EML6: variants seen among roughly 807,000 people sequenced by gnomAD.
The protein encoded by EML6 is echinoderm microtubule-associated protein-like 6.
Under a neutral mutation model 240.1 loss-of-function variants are expected in EML6, and 154 were observed. The observed-to-expected ratio is 0.64, with a 90% confidence interval of 0.56 to 0.73. The LOEUF (loss-of-function observed/expected upper bound fraction) is 0.73. Among genes scored for constraint, EML6 ranks in the 30% least tolerant of loss-of-function variants. The pLI is 0.00. For missense variants in EML6, 2,964 were observed against 2,474.6 expected, an observed-to-expected ratio of 1.20 and a Z score of -4.20; for synonymous variants, 1,148 against 899.0, an observed-to-expected ratio of 1.28 and a Z score of -4.95.
At chr2:54,911,310 T>C (rs1393177282) in intron 25 of EML6, among the ~76,000 whole-genome samples, 1 of 152,256 alleles carries the variant, frequency 6.6e-6, no homozygotes. Flanking sequence ...ATTTGGATGT[T>C]ATATATTCCT....
chr2:54,918,054 A>G lies in EML6; in HGVS notation c.3675+1119A>G, dbSNP rs184772038. ...TTGAATCATAGACGTCAATCTCAAA[A>G]ATGTTCAGATTATCCCCAAGCCTGT... On this transcript the variant is annotated intron_variant, in intron 26 of 41. Transcript: ENST00000356458. Among the ~76,000 whole-genome samples, 338 of 152,298 alleles carry G rather than the reference A, an allele frequency of 2.2e-3. 2 individuals carry two copies. The highest frequency in any genetic ancestry group is 4.1e-3 in the Non-Finnish European group (279 of 68,028).
intron 16 of EML6, among the ~76,000 whole-genome samples, chr2:54,876,489 A>G (rs951881237): frequency 1.3e-5 from 2 of 152,170 alleles, no homozygotes; most frequent in Non-Finnish European, 2.9e-5. Flanking sequence ...TCCTAAAATA[A>G]AAGCTCACCT....
chr2:54,744,081 A>C (rs936447848), intron 2 of EML6, among the ~76,000 whole-genome samples: 2 of 148,450 alleles, frequency 1.3e-5, no homozygotes, highest in Non-Finnish European at 3.0e-5. Context: ...GCATTGGACA[A>C]TTCTGGGCAT....
chr2:54,805,291 T>C (rs1213790855), intron 2 of EML6, among the ~76,000 whole-genome samples: 2 of 152,240 alleles, frequency 1.3e-5, no homozygotes, highest in Non-Finnish European at 2.9e-5. Flanking sequence ...TGTTTAGACA[T>C]TTCCTTTTGG....
In EML6 at chr2:54,787,847, C is replaced by T. The variant is rs981616842; in HGVS notation, c.198-25385C>T. On this transcript the variant is annotated intron_variant, in intron 2 of 41. Transcript: ENST00000356458. ...ATAAATTTGTTTAATATCATTGCTC[C>T]TTCTGCATCAATTTTTAGGCCAGAC... Among the ~76,000 whole-genome samples, 4 of 152,058 alleles carry T rather than the reference C, an allele frequency of 2.6e-5. No individual in the cohort carries two copies. The South Asian group carries it at 6.2e-4, about 24-fold the overall frequency.
chr2:54,920,986 G>C (rs1674216507), intron 26 of EML6, among the ~76,000 whole-genome samples: 1 of 151,824 alleles, frequency 6.6e-6, no homozygotes, highest in Non-Finnish European at 1.5e-5. Flanking sequence ...ACTTCAATTA[G>C]ATATAGAAGG....
intron 32 of EML6, among the ~76,000 whole-genome samples, chr2:54,956,541 A>G (rs1033248932): frequency 4.6e-5 from 7 of 151,830 alleles, no homozygotes; most frequent in African/African-American, 1.7e-4. Flanking sequence ...GGGTCTTAAA[A>G]CCTCTGAGCC....
At chr2:54,799,523 T>C (rs908423177) in intron 2 of EML6, among the ~76,000 whole-genome samples, 1 of 152,118 alleles carries the variant, frequency 6.6e-6, no homozygotes, top group Non-Finnish European at 1.5e-5. Flanking sequence ...TTTTTGTATT[T>C]TTAGTAGAGA....
Position 54,903,374 on chromosome 2 carries a change from C to T in EML6, c.3281C>T (p.Thr1094Met), listed in dbSNP as rs375823350. The T allele has an allele frequency of 2.7e-4, 414 of 1,550,952 alleles. No homozygotes were observed. The highest frequency in any genetic ancestry group is 4.1e-4 in the Admixed American group (21 of 50,826). ...MISDIKFSKD[T>M]GKYLAVASHD... ...AACCCCACATTTTTCTTAACAGATA[C>T]GGGAAAATACCTTGCCGTGGCATCC... The change falls in exon 24 of 42, where the codon ACG (threonine) becomes ATG (methionine). Residue 1094 changes from threonine to methionine, a missense_variant. Coordinates refer to ENST00000356458, the MANE Select transcript of EML6 (RefSeq NM_001039753.4).
At chr2:54,924,446 G>A (rs1166329032) in intron 26 of EML6, among the ~76,000 whole-genome samples, 1 of 152,170 alleles carries the variant, frequency 6.6e-6, no homozygotes, top group Non-Finnish European at 1.5e-5. Context: ...CTTGAGTTCT[G>A]TGTATTTCTT....
chr2:54,788,653 T>C (rs1254297632), intron 2 of EML6, among the ~76,000 whole-genome samples: 3 of 152,184 alleles, frequency 2.0e-5, no homozygotes, highest in African/African-American at 4.8e-5. Context: ...ATTTGGCTGG[T>C]TATATTAACT....
chr2:54,741,760 A>C (rs1683644678), intron 2 of EML6, among the ~76,000 whole-genome samples: 1 of 152,240 alleles, frequency 6.6e-6, no homozygotes. Flanking sequence ...TAATTTGAGC[A>C]TGAATTATAA....
At chr2:54,895,595 C>A (rs1389341931) in intron 21 of EML6, among the ~76,000 whole-genome samples, 195 bp downstream of exon 21, 1 of 152,236 alleles carries the variant, frequency 6.6e-6, no homozygotes, top group African/African-American at 2.4e-5. Context: ...TTTATTTTCT[C>A]ACAGTGTCTG....
rs908342156 is a variant in EML6, at chr2:54,859,489, CTCT to C, written c.1658-40_1658-38del. The C allele has an allele frequency of 6.8e-6, 10 of 1,479,410 alleles. No homozygotes were observed. In the African/African-American group the frequency reaches 1.1e-4, roughly 17 times the overall value. The allele number at this position is 1,479,410 out of a possible 1,614,324, so 91.6% of individuals were successfully genotyped here. A position where few individuals can be genotyped will look rare whatever the true frequency, so the allele number is the denominator to read the frequency against. On this transcript the variant is annotated intron_variant, in intron 11 of 41. Transcript: ENST00000356458. The stretch of plus-strand genomic sequence containing the variant: ...AGGGGGGTTGTTTTAAACTAATGAA[CTCT>C]TCTTTTTTCATAACTAATCCTCTCA...
Position 54,816,175 on chromosome 2 carries a change from G to T in EML6, c.358-612G>T, listed in dbSNP as rs887783627. 4.6e-5 allele frequency among the ~76,000 whole-genome samples: 7 copies of T among 151,966 alleles called. No individual in the cohort carries two copies. In the South Asian group the frequency reaches 1.2e-3, roughly 27 times the overall value. On this transcript the variant is annotated intron_variant, in intron 3 of 41. Coordinates refer to ENST00000356458, the MANE Select transcript of EML6 (RefSeq NM_001039753.4). ...ACTGTTGCCTGTTTTTCACACTTTTGGTTTTGTATATAATCATGTGGGTTG... is the reference window on the plus strand; with the variant it reads ...ACTGTTGCCTGTTTTTCACACTTTTTGTTTTGTATATAATCATGTGGGTTG...
At chr2:54,781,109 A>C (rs1425038239) in intron 2 of EML6, among the ~76,000 whole-genome samples, 2 of 152,234 alleles carry the variant, frequency 1.3e-5, no homozygotes, top group African/African-American at 2.4e-5. Flanking sequence ...TGAGCACTTA[A>C]ACATGGAATG....
chr2:54,902,583 G>A (rs1673116155), intron 22 of EML6, among the ~76,000 whole-genome samples: 1 of 152,040 alleles, frequency 6.6e-6, no homozygotes, highest in Non-Finnish European at 1.5e-5. Context: ...ATTTTTTGTA[G>A]AGATGGGATT....
At chr2:54,788,618 C>T (rs528923508) in intron 2 of EML6, among the ~76,000 whole-genome samples, 1 of 152,222 alleles carries the variant, frequency 6.6e-6, no homozygotes, top group Non-Finnish European at 1.5e-5. Flanking sequence ...AATGATCAAA[C>T]AAGATTTCGC....
intron 24 of EML6, among the ~76,000 whole-genome samples, chr2:54,905,702 C>T (rs1673293186): frequency 6.6e-6 from 1 of 152,138 alleles, no homozygotes; most frequent in African/African-American, 2.4e-5. Flanking sequence ...TTCATTTCCC[C>T]AACACCTGGC....
Sources: allele counts gnomAD v4.1 joint callset (sites outside exome capture counted in the v4.1 genomes callset), GRCh38; gene constraint gnomAD v4.1.1; transcripts MANE v1.5; gene names NCBI Gene and HGNC (gene_info 2026-07-23, HGNC 2026-07-21).